Variants in RRAGC observed in about 807,000 individuals in gnomAD.
The protein encoded by RRAGC is Ras related GTP binding C.
Under a neutral mutation model 37.1 loss-of-function variants are expected in RRAGC, and 8 were observed. The observed-to-expected ratio is 0.22, with a 90% CI of 0.13 to 0.39. The LOEUF is 0.39. Ranked by LOEUF, RRAGC falls within the 10% of genes least tolerant of loss-of-function variation. RRAGC has a pLI of 1.00. For synonymous variants in RRAGC, 190 were observed against 181.1 expected (o/e 1.05, Z -0.39); for missense variants, 342 against 497.6 (o/e 0.69, Z 2.98).
chr1:38,851,190 C>T (rs1038647153), intron 5 of RRAGC, among the ~76,000 whole-genome samples: 2 of 152,244 alleles, frequency 1.3e-5, no homozygotes, highest in Non-Finnish European at 2.9e-5. Context: ...TAATTACTTT[C>T]TTTGCTCTCT....
At chr1:38,855,068 A>G (rs1642151481) in intron 3 of RRAGC, among the ~76,000 whole-genome samples, 1 of 152,234 alleles carries the variant, frequency 6.6e-6, no homozygotes, top group South Asian at 2.1e-4. Flanking sequence ...AACAGTAGTT[A>G]CAAACCAATA....
chr1:38,857,324 CAT>C (rs567139188), intron 1 of RRAGC, among the ~76,000 whole-genome samples: 13 of 152,238 alleles, frequency 8.5e-5, no homozygotes, highest in African/African-American at 2.9e-4. Context: ...TTCTATGCAC[CAT>C]ACTCAGTACT....
intron 3 of RRAGC, among the ~76,000 whole-genome samples, chr1:38,853,440 T>C (rs757426824): frequency 1.7e-4 from 26 of 152,108 alleles, no homozygotes; most frequent in African/African-American, 6.3e-4. Context: ...CACAGAACTT[T>C]ATAGGTAATT....
intron 1 of RRAGC, among the ~76,000 whole-genome samples, chr1:38,857,973 A>G (rs1243832578): frequency 1.3e-5 from 2 of 152,204 alleles, no homozygotes; most frequent in African/African-American, 2.4e-5. Context: ...AAACAAAAAA[A>G]AAAGGATCAC....
At chr1:38,854,647 T>C (rs1642144784) in intron 3 of RRAGC, among the ~76,000 whole-genome samples, 1 of 152,228 alleles carries the variant, frequency 6.6e-6, no homozygotes, top group Non-Finnish European at 1.5e-5. Context: ...CAAACATTGC[T>C]GAATTTTTAT....
chr1:38,844,102 C>T (rs930991804), intron 6 of RRAGC, among the ~76,000 whole-genome samples: 3 of 152,048 alleles, frequency 2.0e-5, no homozygotes, highest in African/African-American at 7.2e-5. Context: ...TGCAAGGGCC[C>T]CTTCAGCAAT....
chr1:38,858,568 C>G (rs1352347384), intron 1 of RRAGC, among the ~76,000 whole-genome samples: 6 of 152,144 alleles, frequency 3.9e-5, no homozygotes, highest in Admixed American at 3.3e-4. Flanking sequence ...CGTGGTGGCG[C>G]GCGCCTGTAA....
In RRAGC at chr1:38,859,461, C is replaced by G. The variant is rs769091797; in HGVS notation, c.186G>C (p.Pro62=). The G allele has an allele frequency of 1.3e-6, 2 of 1,548,268 alleles. No homozygotes were observed. Among genetic ancestry groups the G allele is most frequent in the South Asian group, 2.4e-5 (2 of 83,996 alleles). Residue 62 remains proline, a synonymous_variant, in exon 1 of 7, where the codon CCG becomes CCC. Coordinates refer to ENST00000373001, the MANE Select transcript of RRAGC (RefSeq NM_022157.4). ...GCCGGAGTCCCATGAGCAGAATCCT[C>G]GGCTTGGAGCTGTCAGCGCCCCCCG... ...CGPGGADSSK[P]RILLMGLRRS...
intron 6 of RRAGC, among the ~76,000 whole-genome samples, chr1:38,841,003 T>C (rs1641956574): frequency 1.3e-5 from 2 of 152,254 alleles, no homozygotes; most frequent in African/African-American, 2.4e-5. Flanking sequence ...TAAAAACCAC[T>C]ACCTTTTAGA....
At chr1:38,856,816 ACTTTC>A (rs1642172750) in intron 2 of RRAGC, 58 bp downstream of exon 2, 2 of 1,495,750 alleles carry the variant, frequency 1.3e-6, no homozygotes, top group Non-Finnish European at 1.9e-6. Context: ...AAGATAAACA[ACTTTC>A]CTTTGTTTCT....
chr1:38,846,746 T>C (rs1204819448), intron 5 of RRAGC: 1 of 152,154 alleles, frequency 6.6e-6, no homozygotes, highest in Non-Finnish European at 1.5e-5. Flanking sequence ...TTAAGAGTTA[T>C]TAAAAATGCT....
In RRAGC at chr1:38,859,732, G is replaced by GCCGCCA. The variant is rs1553154391; in HGVS notation, c.-92_-87dup. ...GCCTCCCCAGTCCGCCTCCGCCGCC[G>GCCGCCA]CCGCCACCACCGCCACCGCCCCCGG... On this transcript the variant is annotated 5_prime_UTR_variant, in exon 1 of 7. Transcript: ENST00000373001. 117 of 1,156,736 alleles carry GCCGCCA rather than the reference G, an allele frequency of 1.0e-4. No homozygotes were observed. In the East Asian group the frequency reaches 2.4e-3, roughly 23 times the overall value. 71.7% of individuals were successfully genotyped at this position (1,156,736 alleles called of 1,614,324 possible).
chr1:38,857,056 G>A lies in RRAGC; in HGVS notation c.264C>T (p.Asn88=), dbSNP rs368960688. The change falls in exon 2 of 7, where the codon AAC becomes AAT. Residue 88 remains asparagine, a synonymous_variant. Coordinates refer to ENST00000373001, the MANE Select transcript of RRAGC (RefSeq NM_022157.4). ...TGGTACTTTCCAAAAAGAGGGTCTC[G>A]TTGGGTGACATCTTATGAAACACCA... ...QKVVFHKMSP[N]ETLFLESTNK... is the part of the protein sequence containing the mutation. The A allele has an allele frequency of 1.7e-5, 27 of 1,613,244 alleles. No homozygotes were observed. Among genetic ancestry groups the A allele is most frequent in the Middle Eastern group, 1.6e-4 (1 of 6,082 alleles).
intron 6 of RRAGC, among the ~76,000 whole-genome samples, chr1:38,843,827 C>A (rs531195907): frequency 6.6e-6 from 1 of 151,656 alleles, no homozygotes; most frequent in East Asian, 1.9e-4. Flanking sequence ...TTTCTGAAAA[C>A]TAATCTGCCT....
At chr1:38,855,574 C>A (rs1318330273) in intron 3 of RRAGC, 134 bp downstream of exon 3, 74 of 758,922 alleles carry the variant, frequency 9.8e-5, no homozygotes, top group Non-Finnish European at 2.2e-6. Context: ...TGGAATTCAA[C>A]AACAAGATCA....
At chr1:38,848,602 A>G (rs931095246) in intron 5 of RRAGC, among the ~76,000 whole-genome samples, 8 of 152,342 alleles carry the variant, frequency 5.3e-5, no homozygotes, top group African/African-American at 1.9e-4. Flanking sequence ...CTTGCTCAGA[A>G]TCTGTAAAGC....
chr1:38,846,106 C>T lies in RRAGC; in HGVS notation c.900-19G>A. 6.3e-7 allele frequency: 1 copy of T among 1,592,114 alleles called. No individual in the cohort carries two copies. The highest frequency in any genetic ancestry group is 8.6e-7 in the Non-Finnish European group (1 of 1,167,878). ...CTTTAACCTATTTTAAAAGAAAGTA[C>T]TATTCATTACAGGTTTCCCATCTAG... On this transcript the variant is annotated intron_variant, in intron 5 of 6. Transcript: ENST00000373001.
At chr1:38,848,327 G>T (rs1389135646) in intron 5 of RRAGC, among the ~76,000 whole-genome samples, 1 of 151,818 alleles carries the variant, frequency 6.6e-6, no homozygotes, top group Non-Finnish European at 1.5e-5. Flanking sequence ...GTGCCACATG[G>T]AAAGTGAGAA....
At chr1:38,855,670 T>G in intron 3 of RRAGC, 38 bp downstream of exon 3, 1 of 1,517,512 alleles carries the variant, frequency 6.6e-7, no homozygotes, top group Non-Finnish European at 9.2e-7. Context: ...CATTTACACC[T>G]TGTTCAGGGC....
Sources: gnomAD v4.1 joint callset for allele counts (sites outside exome capture counted in the v4.1 genomes callset) on GRCh38, gnomAD v4.1.1 for gene constraint, MANE v1.5 for transcripts, NCBI Gene and HGNC (gene_info 2026-07-23, HGNC 2026-07-21) for gene names.